PRPF8: variants seen among roughly 807,000 people sequenced by gnomAD.
PRPF8 encodes the protein pre-mRNA processing factor 8.
Under a neutral mutation model 285.9 loss-of-function variants are expected in PRPF8, and 64 were observed. That is an observed-to-expected ratio of 0.22 (90% CI 0.18 to 0.28). The LOEUF is 0.28. Ranked by LOEUF, PRPF8 falls within the 10% of genes least tolerant of loss-of-function variation. The pLI is 1.00. For synonymous variants in PRPF8, 1,325 were observed against 1,118.2 expected (o/e 1.18, Z -3.69); for missense variants, 1,426 against 3,026.7 (o/e 0.47, Z 12.41).
At chr17:1,660,153 G>C (rs762145631) in intron 30 of PRPF8, 152 bp from the exon 31 acceptor site, 1 of 1,088,050 alleles carries the variant, frequency 9.2e-7, no homozygotes, top group Non-Finnish European at 1.4e-6. Context: ...AGCTGACTCT[G>C]TACAGCACGC....
chr17:1,657,012 T>C (rs914040881), intron 34 of PRPF8, among the ~76,000 whole-genome samples: 19 of 151,606 alleles, frequency 1.3e-4, no homozygotes, highest in African/African-American at 4.6e-4. Context: ...TTTTACAGAG[T>C]TCAGGAACAA....
At chr17:1,678,949 C>T (rs534868513) in intron 11 of PRPF8, 68 bp from the exon 12 acceptor site, 1 of 1,613,690 alleles carries the variant, frequency 6.2e-7, no homozygotes, top group East Asian at 2.2e-5. Context: ...ATGCCTTCAT[C>T]AGTAACCAGA....
chr17:1,655,065 C>A (rs957686897), intron 37 of PRPF8: 3 of 391,148 alleles, frequency 7.7e-6, no homozygotes, highest in African/African-American at 6.3e-5. Context: ...TCAAGCAATT[C>A]TCCTGCCTCA....
chr17:1,666,691 T>C (rs1014507260), intron 24 of PRPF8, among the ~76,000 whole-genome samples: 2 of 151,998 alleles, frequency 1.3e-5, no homozygotes, highest in African/African-American at 4.8e-5. Context: ...AGGCAAAAAA[T>C]GTCTTCTGAA....
In PRPF8 at chr17:1,661,203, A is replaced by G; in HGVS notation, c.4339-41T>C. 3 of 1,614,068 alleles carry G rather than the reference A, an allele frequency of 1.9e-6. No individual in the cohort carries two copies. Among genetic ancestry groups the G allele is most frequent in the Non-Finnish European group, 2.5e-6 (3 of 1,180,004 alleles). On this transcript the variant is annotated intron_variant, in intron 27 of 42. Coordinates refer to ENST00000304992, the MANE Select transcript of PRPF8 (RefSeq NM_006445.4). The surrounding 1 kb of genome is among the most constrained non-coding windows in gnomAD (Gnocchi z 7.3). ...GGCACGGTCAAGCTTCTGGGTGCCT[A>G]TTGCCCCAAGTTTCGGGGATAGCCA... is the stretch of plus-strand genomic sequence containing the variant.
chr17:1,667,453 C>A (rs1190224169), intron 24 of PRPF8, among the ~76,000 whole-genome samples: 2 of 150,810 alleles, frequency 1.3e-5, no homozygotes, highest in African/African-American at 4.9e-5. Context: ...TCTACGTGTA[C>A]TAGGTACCAT....
chr17:1,666,351 C>A (rs1397490444), intron 24 of PRPF8, among the ~76,000 whole-genome samples: 1 of 151,880 alleles, frequency 6.6e-6, no homozygotes, highest in Admixed American at 6.6e-5. Context: ...GAATTCAAGA[C>A]CAGCCTGGGC....
At chr17:1,662,640 G>A (rs112096862) in intron 24 of PRPF8, among the ~76,000 whole-genome samples, 2,564 of 150,022 alleles carry the variant, frequency 0.017, 76 homozygotes, top group African/African-American at 0.06. Flanking sequence ...GGTGGCTCAC[G>A]CCTGTCATGC....
chr17:1,655,400 G>T lies in PRPF8; in HGVS notation c.5937C>A (p.Val1979=). ...PTLTDEEWIK[V]EVQLKDLILA... ...AGATCAGATCCTTGAGCTGCACCTC[G>T]ACCTTGATCCATTCTTCGTCAGTCA... The change falls in exon 37 of 43, where the codon GTC becomes GTA. Residue 1979 remains valine (V), a synonymous_variant. Coordinates refer to ENST00000304992, the MANE Select transcript of PRPF8 (RefSeq NM_006445.4). The T allele has an allele frequency of 6.2e-7, 1 of 1,613,958 alleles. No homozygotes were observed. Among genetic ancestry groups the T allele is most frequent in the Non-Finnish European group, 8.5e-7 (1 of 1,180,030 alleles).
At chr17:1,684,659 G>C (rs1388465305) in intron 1 of PRPF8, 77 bp from the exon 2 acceptor site, 1 of 1,385,702 alleles carries the variant, frequency 7.2e-7, no homozygotes, top group Non-Finnish European at 1.0e-6. Flanking sequence ...AGGCGTCCGG[G>C]GACCCCGGCC....
rs779586060 is a variant in PRPF8 at position 1,684,495 on chromosome 17, G to C, written c.77C>G (p.Ser26Trp). ...GPLAPLPDYM[S>W]EEKLQEKARK... ...ACCTTTCTCCTGCAGCTTCTCCTCC[G>C]ACATGTAGTCCGGTAGCGGGGCTAG... The change falls in exon 2 of 43, where the codon TCG (serine) becomes TGG (tryptophan). Residue 26 changes from serine to tryptophan, a missense_variant. Ser to Trp is a radical substitution (Grantham distance 177). Transcript: ENST00000304992. The C allele has an allele frequency of 1.2e-6, 2 of 1,612,542 alleles. No homozygotes were observed. Among genetic ancestry groups the C allele is most frequent in the Non-Finnish European group, 1.7e-6 (2 of 1,179,798 alleles).
At chr17:1,674,398 T>C in intron 21 of PRPF8, 44 bp downstream of exon 21, 1 of 1,563,792 alleles carries the variant, frequency 6.4e-7, no homozygotes, top group Non-Finnish European at 8.8e-7. Flanking sequence ...GCAAAGCACA[T>C]GCCTCAGTAC....
chr17:1,676,275 G>C lies in PRPF8; in HGVS notation c.2484C>G (p.Pro828=), dbSNP rs562497060. ...TGGTGTCATGCTTATAGGAGAGTGG[G>C]GGGAATGGGATGGGTGAAAACCTGC... The part of the protein sequence containing the change: ...ESRRFSPIPF[P]PLSYKHDTKL... Residue 828 remains proline (P), a synonymous_variant, in exon 17 of 43, where the codon CCC becomes CCG. Coordinates refer to ENST00000304992, the MANE Select transcript of PRPF8 (RefSeq NM_006445.4). The surrounding 1 kb of genome is among the most constrained non-coding windows in gnomAD (Gnocchi z 6.3). 2 of 1,613,958 alleles carry C rather than the reference G, an allele frequency of 1.2e-6. No homozygotes were observed. The highest frequency in any genetic ancestry group is 1.7e-6 in the Non-Finnish European group (2 of 1,180,036).
At chr17:1,683,856 T>C (rs569890989) in intron 2 of PRPF8, among the ~76,000 whole-genome samples, 155 bp from the exon 3 acceptor site, 1 of 151,972 alleles carries the variant, frequency 6.6e-6, no homozygotes, top group Non-Finnish European at 1.5e-5. Flanking sequence ...TTTTACTCTG[T>C]TTTTCCTTTC....
chr17:1,683,888 C>CT (rs112914461), intron 2 of PRPF8, among the ~76,000 whole-genome samples, 187 bp from the exon 3 acceptor site: 4,207 of 140,442 alleles, frequency 0.03, 173 homozygotes, highest in African/African-American at 0.089. Flanking sequence ...CACTATCTGA[C>CT]TTTTTTTTTT....
chr17:1,676,666 C>T lies in PRPF8; in HGVS notation c.2227G>A (p.Val743Met). Residue 743 changes from valine (V) to methionine (M), a missense_variant, in exon 16 of 43, where the codon GTG becomes ATG. This residue lies in a region of PRPF8 where 30 missense variants were observed against 61.0 expected (regional missense o/e 0.49). Transcript: ENST00000304992. This position sits in a 1 kb window ranked among gnomAD's most constrained non-coding sequence, Gnocchi z 6.3. ...TPIENMILRY[V>M]KAKADWWTNT... is the part of the protein sequence containing the mutation. ...GTCCACCAGTCAGCCTTGGCCTTCA[C>T]GTATCGAAGGATCATATTCTCTATG... The T allele has an allele frequency of 6.2e-7, 1 of 1,614,164 alleles. No homozygotes were observed. The highest frequency in any genetic ancestry group is 8.5e-7 in the Non-Finnish European group (1 of 1,180,024).
intron 36 of PRPF8, 43 bp from the exon 37 acceptor site, chr17:1,655,586 G>C (rs779633075): frequency 6.6e-7 from 1 of 1,513,576 alleles, no homozygotes; most frequent in East Asian, 2.3e-5. Context: ...AGCTGCTTGA[G>C]GCTCTCCCAC....
intron 24 of PRPF8, among the ~76,000 whole-genome samples, chr17:1,670,920 T>C (rs987301999): frequency 2.0e-5 from 3 of 149,010 alleles, no homozygotes; most frequent in Admixed American, 2.0e-4. Context: ...AGTCTGCATC[T>C]GTAGTGTGGG....
intron 24 of PRPF8, among the ~76,000 whole-genome samples, chr17:1,662,830 C>CAAA (rs541846587): frequency 1.2e-5 from 1 of 81,130 alleles, no homozygotes. Context: ...GACTGTGTCT[C>CAAA]AAAAAAAAAA....
Sources: allele counts gnomAD v4.1 joint callset (sites outside exome capture counted in the v4.1 genomes callset), GRCh38; gene constraint gnomAD v4.1.1; regional missense constraint gnomAD v4.1.1; non-coding constraint Gnocchi (gnomAD v3.1); transcripts MANE v1.5; gene names NCBI Gene and HGNC (gene_info 2026-07-23, HGNC 2026-07-21).